Variants in CLYBL observed in about 807,000 individuals in gnomAD.
CLYBL encodes citramalyl-CoA lyase, also known as citramalyl-CoA lyase, mitochondrial.
A neutral mutation model predicts 38.9 loss-of-function variants in CLYBL; 31 were observed. That is an observed-to-expected ratio of 0.80 (90% confidence interval 0.60 to 1.08). The LOEUF (loss-of-function observed/expected upper bound fraction) is 1.08, where lower values mean the gene tolerates loss of function less well. Among genes scored for constraint, CLYBL ranks in the 50% least tolerant of loss-of-function variants. CLYBL has a pLI of 0.00. For missense variants in CLYBL, 434 were observed against 411.6 expected, an observed-to-expected ratio of 1.05 and a Z score of -0.47; for synonymous variants, 171 against 158.6, an observed-to-expected ratio of 1.08 and a Z score of -0.59.
At chr13:99,891,685 C>G (rs911829718) in intron 8 of CLYBL, 1 of 324,196 alleles carries the variant, frequency 3.1e-6, no homozygotes, top group Non-Finnish European at 5.7e-6. Context: ...GAGGTAAGAT[C>G]CTGGGGAAAG....
At chr13:99,902,317 G>T (rs551474915) in intron 8 of CLYBL, among the ~76,000 whole-genome samples, 1 of 152,232 alleles carries the variant, frequency 6.6e-6, no homozygotes, top group South Asian at 2.1e-4. Context: ...TCATAATTTT[G>T]CCTCATAAAA....
chr13:99,764,376 A>T (rs2049226913), intron 1 of CLYBL, among the ~76,000 whole-genome samples: 1 of 151,972 alleles, frequency 6.6e-6, no homozygotes, highest in East Asian at 1.9e-4. Flanking sequence ...CCATGTGGGG[A>T]TTTCTTTCAT....
intron 7 of CLYBL, among the ~76,000 whole-genome samples, chr13:99,888,214 A>G (rs1270218323): frequency 6.6e-6 from 1 of 152,224 alleles, no homozygotes; most frequent in Non-Finnish European, 1.5e-5. Context: ...CAATGTACAT[A>G]GAGTTAACAC....
chr13:99,865,356 G>T lies in CLYBL; in HGVS notation c.634+445G>T. On this transcript the variant is annotated intron_variant, in intron 5 of 8. Coordinates refer to ENST00000339105, the MANE Select transcript of CLYBL (RefSeq NM_206808.5). The surrounding 1 kb of genome is among the most constrained non-coding windows in gnomAD (Gnocchi z 4.7). Reference sequence around the variant, plus strand: ...TTGTTTTCTACAGAATATGCGGTAGGTAAATATTATTTTAAATGGATCTTA... The same window carrying T: ...TTGTTTTCTACAGAATATGCGGTAGTTAAATATTATTTTAAATGGATCTTA... 2 of 237,346 alleles carry T rather than the reference G, an allele frequency of 8.4e-6. No homozygotes were observed. Among genetic ancestry groups the T allele is most frequent in the South Asian group, 5.6e-5 (1 of 17,746 alleles). The allele number at this position is 237,346 out of a possible 1,614,324, so 14.7% of individuals were successfully genotyped here. A position where few individuals can be genotyped will look rare whatever the true frequency, so the allele number is the denominator to read the frequency against.
At chr13:99,671,673 G>A (rs2047566450) in intron 1 of CLYBL, among the ~76,000 whole-genome samples, 2 of 151,786 alleles carry the variant, frequency 1.3e-5, no homozygotes, top group South Asian at 2.1e-4. Flanking sequence ...CCAGCTACTC[G>A]GGAGACTGAG....
intron 1 of CLYBL, among the ~76,000 whole-genome samples, chr13:99,666,055 G>A (rs1027237414): frequency 2.6e-5 from 4 of 152,168 alleles, no homozygotes; most frequent in African/African-American, 9.7e-5. Flanking sequence ...CTCAGGGAGA[G>A]TAAGAAGAAT....
intron 1 of CLYBL, among the ~76,000 whole-genome samples, chr13:99,636,167 C>T (rs571893480): frequency 6.6e-6 from 1 of 152,176 alleles, no homozygotes; most frequent in Non-Finnish European, 1.5e-5. Context: ...AGCAGAGACT[C>T]TTAAAATTAT....
chr13:99,794,683 CT>C (rs1289759830), intron 2 of CLYBL, among the ~76,000 whole-genome samples: 1 of 151,546 alleles, frequency 6.6e-6, no homozygotes, highest in Non-Finnish European at 1.5e-5. Flanking sequence ...CCTCCACCGT[CT>C]GAGTTCAACC....
intron 2 of CLYBL, among the ~76,000 whole-genome samples, chr13:99,786,039 T>C (rs1181814014): frequency 1.3e-5 from 2 of 152,082 alleles, no homozygotes; most frequent in Non-Finnish European, 2.9e-5. Context: ...GTTGTCCCAA[T>C]ACAATTATAT....
At chr13:99,866,186 G>A in intron 5 of CLYBL, 54 bp from the exon 6 acceptor site, 1 of 1,526,524 alleles carries the variant, frequency 6.6e-7, no homozygotes, top group South Asian at 1.1e-5. Flanking sequence ...ATAAATATCT[G>A]GGTGCGGTTT....
At chr13:99,668,671 G>A (rs140796390) in intron 1 of CLYBL, among the ~76,000 whole-genome samples, 1 of 152,010 alleles carries the variant, frequency 6.6e-6, no homozygotes, top group East Asian at 1.9e-4. Context: ...GAGAACTATC[G>A]CTCATCACTG....
chr13:99,883,239 G>A (rs139224449), intron 7 of CLYBL, among the ~76,000 whole-genome samples: 2 of 152,050 alleles, frequency 1.3e-5, no homozygotes, highest in Non-Finnish European at 2.9e-5. Context: ...TAGCAGAACC[G>A]ACCGGGCGCA....
chr13:99,908,111 C>T (rs770608994), exon 10 of CLYBL, among the ~76,000 whole-genome samples: 2 of 152,230 alleles, frequency 1.3e-5, no homozygotes, highest in African/African-American at 4.8e-5. Context: ...CAACTGACAT[C>T]CTCAATAGCT....
At chr13:99,762,366 GT>G (rs1249811638) in intron 1 of CLYBL, among the ~76,000 whole-genome samples, 1 of 152,148 alleles carries the variant, frequency 6.6e-6, no homozygotes, top group Admixed American at 6.5e-5. Context: ...TAGGGGTCTA[GT>G]TTCATTCTTC....
chr13:99,829,493 C>T (rs965018420), intron 2 of CLYBL, among the ~76,000 whole-genome samples: 1 of 152,164 alleles, frequency 6.6e-6, no homozygotes, highest in African/African-American at 2.4e-5. Context: ...AAGAGATCTA[C>T]TTTATTTTAT....
intron 1 of CLYBL, among the ~76,000 whole-genome samples, chr13:99,711,685 C>T (rs1309141969): frequency 1.3e-5 from 2 of 151,760 alleles, no homozygotes; most frequent in Non-Finnish European, 2.9e-5. Flanking sequence ...GGATTACAGG[C>T]GTGAGCCACC....
chr13:99,679,736 G>C (rs184655154), intron 1 of CLYBL, among the ~76,000 whole-genome samples: 3 of 146,966 alleles, frequency 2.0e-5, no homozygotes, highest in South Asian at 2.1e-4. Context: ...AGGAGAGGGT[G>C]GGGGGGGAAA....
At chr13:99,842,933 A>G (rs1367763241) in intron 2 of CLYBL, among the ~76,000 whole-genome samples, 3 of 150,848 alleles carry the variant, frequency 2.0e-5, no homozygotes, top group South Asian at 4.2e-4. Context: ...GGGGGGAAAA[A>G]AAGGCATTTT....
intron 1 of CLYBL, among the ~76,000 whole-genome samples, chr13:99,624,288 G>A (rs947357906): frequency 6.6e-6 from 1 of 152,220 alleles, no homozygotes; most frequent in Non-Finnish European, 1.5e-5. Context: ...GCCTGACACA[G>A]TAGGCACTGA....
Sources: gnomAD v4.1 joint callset for allele counts (sites outside exome capture counted in the v4.1 genomes callset) on GRCh38, gnomAD v4.1.1 for gene constraint, Gnocchi (gnomAD v3.1) non-coding constraint, MANE v1.5 for transcripts, NCBI Gene and HGNC (gene_info 2026-07-23, HGNC 2026-07-21) for gene names.